DEPDC5: variants seen among roughly 807,000 people sequenced by gnomAD.
DEPDC5 encodes GATOR1 complex protein DEPDC5.
DEPDC5 carries 73 observed loss-of-function variants against 217.3 expected under a neutral mutation model. The ratio of observed to expected loss-of-function variants is 0.34; its 90% CI spans 0.28 to 0.41. The LOEUF (loss-of-function observed/expected upper bound fraction) is 0.41. DEPDC5 is among the 10% of genes least tolerant of loss of function. The pLI, the probability that DEPDC5 is intolerant of heterozygous loss-of-function variation, is 1.00. For missense variants in DEPDC5, 1,675 were observed against 2,070.1 expected (o/e 0.81, Z 3.70); for synonymous variants, 733 against 756.7 (o/e 0.97, Z 0.51).
At chr22:31,878,868 G>A (rs543090596) in intron 37 of DEPDC5, among the ~76,000 whole-genome samples, 6 of 151,274 alleles carry the variant, frequency 4.0e-5, no homozygotes, top group African/African-American at 7.3e-5. Flanking sequence ...GTGAAATCCC[G>A]TCTACTAAAA....
intron 38 of DEPDC5, among the ~76,000 whole-genome samples, chr22:31,881,987 A>T (rs1206213625): frequency 7.9e-5 from 12 of 151,988 alleles, no homozygotes; most frequent in Non-Finnish European, 1.6e-4. Flanking sequence ...AAGAATAGCA[A>T]AGAAAAGGGC....
In DEPDC5 at chr22:31,784,225, G is replaced by A. The variant is rs1205152670; in HGVS notation, c.562+240G>A. On this transcript the variant is annotated intron_variant, in intron 9 of 42. Transcript: ENST00000651528. ...GTTGAAGTCATAGCCTCTTAGTAGTGAGGCAGATATTAAATTTGGCTTCAA... is the reference window on the plus strand; with the variant it reads ...GTTGAAGTCATAGCCTCTTAGTAGTAAGGCAGATATTAAATTTGGCTTCAA... 3 of 321,474 alleles carry A rather than the reference G, an allele frequency of 9.3e-6. No individual in the cohort carries two copies. The Admixed American group carries it at 1.5e-4, about 16-fold the overall frequency. 19.9% of individuals were successfully genotyped at this position (321,474 alleles called of 1,614,324 possible).
In DEPDC5 at chr22:31,768,040, C is replaced by T. The variant is rs561363116; in HGVS notation, c.364-774C>T. Among the ~76,000 whole-genome samples the T allele has an allele frequency of 4.0e-5, 6 of 151,602 alleles. No homozygotes were observed. In the East Asian group the frequency reaches 7.7e-4, roughly 19 times the overall value. On this transcript the variant is annotated intron_variant, in intron 6 of 42. Transcript: ENST00000651528. Reference sequence around the variant, plus strand: ...GATTACAGGTGTGAGCCAGTGCACCCGGCCCCATTTTTTAAAAAAAAATAT... The same window carrying T: ...GATTACAGGTGTGAGCCAGTGCACCTGGCCCCATTTTTTAAAAAAAAATAT...
intron 7 of DEPDC5, among the ~76,000 whole-genome samples, chr22:31,777,509 C>T (rs759675093): frequency 4.0e-5 from 6 of 151,886 alleles, no homozygotes; most frequent in African/African-American, 4.8e-5. Flanking sequence ...ATCTGCCCTC[C>T]GTGGCCTCCC....
At chr22:31,835,794 CATGAATTAGAT>C (rs1321551577) in intron 25 of DEPDC5, among the ~76,000 whole-genome samples, 1 of 152,168 alleles carries the variant, frequency 6.6e-6, no homozygotes, top group South Asian at 2.1e-4. Context: ...CTGTGTAGAG[CATGAATTAGAT>C]CTGTTGCAGG....
At chr22:31,758,498 G>A (rs777238042) in intron 2 of DEPDC5, 48 bp from the exon 3 acceptor site, 18 of 1,536,754 alleles carry the variant, frequency 1.2e-5, no homozygotes, top group Non-Finnish European at 1.5e-5. Context: ...AACATACAGT[G>A]TACCTAATGA....
chr22:31,841,708 T>A (rs2091403010), intron 27 of DEPDC5, among the ~76,000 whole-genome samples: 1 of 152,180 alleles, frequency 6.6e-6, no homozygotes, highest in Non-Finnish European at 1.5e-5. Flanking sequence ...ATCAAACCAA[T>A]CAGAGACACT....
At chr22:31,799,439 C>T (rs1191004152) in intron 14 of DEPDC5, among the ~76,000 whole-genome samples, 1 of 151,354 alleles carries the variant, frequency 6.6e-6, no homozygotes, top group Non-Finnish European at 1.5e-5. Context: ...GTTTGCTGCA[C>T]CTATCAACCC....
chr22:31,901,932 G>A (rs1053556237), intron 41 of DEPDC5, 130 bp downstream of exon 41: 2 of 776,994 alleles, frequency 2.6e-6, no homozygotes, highest in African/African-American at 3.5e-5. Flanking sequence ...CAAATTCACT[G>A]CTTATCTCCA....
chr22:31,804,682 C>T (rs986859723), intron 16 of DEPDC5, among the ~76,000 whole-genome samples, 160 bp from the exon 17 acceptor site: 2 of 152,214 alleles, frequency 1.3e-5, no homozygotes, highest in Admixed American at 6.5e-5. Flanking sequence ...GCAGGTGGTC[C>T]GCCCGCCTTG....
intron 36 of DEPDC5, among the ~76,000 whole-genome samples, chr22:31,874,940 C>T (rs1002862977): frequency 6.6e-6 from 1 of 152,184 alleles, no homozygotes; most frequent in African/African-American, 2.4e-5. Flanking sequence ...TGTTGCTTGG[C>T]ACCTGGTAGG....
intron 5 of DEPDC5, 67 bp downstream of exon 5, chr22:31,765,127 A>G (rs1835278761): frequency 7.0e-6 from 9 of 1,285,330 alleles, no homozygotes; most frequent in African/African-American, 2.9e-5. Flanking sequence ...TTAGATTACT[A>G]AGGAAACAAT....
intron 33 of DEPDC5, among the ~76,000 whole-genome samples, chr22:31,865,732 A>G (rs1467007778): frequency 6.6e-6 from 1 of 152,236 alleles, no homozygotes; most frequent in African/African-American, 2.4e-5. Context: ...CTAGATGGCA[A>G]GCTTCATGAG....
intron 14 of DEPDC5, among the ~76,000 whole-genome samples, chr22:31,799,913 C>T (rs2086691045): frequency 6.7e-6 from 1 of 148,978 alleles, no homozygotes; most frequent in African/African-American, 2.5e-5. Context: ...AGCGATTCTC[C>T]TGCCTCAGCC....
intron 37 of DEPDC5, among the ~76,000 whole-genome samples, chr22:31,876,578 C>T (rs982806183): frequency 1.3e-5 from 2 of 152,106 alleles, no homozygotes; most frequent in African/African-American, 4.8e-5. Context: ...TGCCCCACCC[C>T]CTTGCCCACC....
At chr22:31,898,971 A>C (rs55796616) in intron 40 of DEPDC5, among the ~76,000 whole-genome samples, 9,874 of 152,316 alleles carry the variant, frequency 0.065, 324 homozygotes, top group Non-Finnish European at 0.077. Context: ...GGCAGTTTTA[A>C]GCCAAGCAGC....
chr22:31,861,176 CTCT>C (rs1477834853), intron 32 of DEPDC5, among the ~76,000 whole-genome samples, 189 bp from the exon 33 acceptor site: 7 of 150,578 alleles, frequency 4.6e-5, no homozygotes, highest in African/African-American at 1.5e-4. Context: ...CTCTCTCTCT[CTCT>C]TTTTTTTTTT....
intron 36 of DEPDC5, 124 bp downstream of exon 36, chr22:31,874,529 T>A (rs1266423767): frequency 1.7e-5 from 21 of 1,215,494 alleles, no homozygotes; most frequent in Non-Finnish European, 7.8e-6. Context: ...TTTTTTTTAA[T>A]AAGTGGGAGG....
intron 4 of DEPDC5, among the ~76,000 whole-genome samples, chr22:31,762,099 C>T (rs1343775509): frequency 6.6e-6 from 1 of 152,028 alleles, no homozygotes; most frequent in South Asian, 2.1e-4. Context: ...TCCACCACAT[C>T]TGTCCCATTT....
Sources: allele counts gnomAD v4.1 joint callset (sites outside exome capture counted in the v4.1 genomes callset), GRCh38; gene constraint gnomAD v4.1.1; transcripts MANE v1.5; gene names NCBI Gene and HGNC (gene_info 2026-07-23, HGNC 2026-07-21).